LTBP2: variants seen among roughly 807,000 people sequenced by gnomAD.
The protein encoded by LTBP2 is latent-transforming growth factor beta-binding protein 2.
Under a neutral mutation model 210.6 loss-of-function variants are expected in LTBP2, and 103 were observed. The observed-to-expected ratio is 0.49, with a 90% CI of 0.42 to 0.58. The LOEUF is 0.58. LTBP2 is among the 20% of genes least tolerant of loss of function. The pLI is 0.00. For synonymous variants in LTBP2, 1,007 were observed against 1,015.0 expected (o/e 0.99, Z 0.15); for missense variants, 2,313 against 2,494.5 (o/e 0.93, Z 1.55).
intron 2 of LTBP2, among the ~76,000 whole-genome samples, chr14:74,588,511 G>A (rs1595295129): frequency 6.6e-6 from 1 of 152,120 alleles, no homozygotes; most frequent in Non-Finnish European, 1.5e-5. Flanking sequence ...GTGAGCCGCC[G>A]CACGAGGCCG....
At chr14:74,585,360 G>C (rs771822667) in intron 3 of LTBP2, among the ~76,000 whole-genome samples, 2 of 152,222 alleles carry the variant, frequency 1.3e-5, no homozygotes, top group Non-Finnish European at 2.9e-5. Flanking sequence ...GGGAGAACAA[G>C]TATAAAGAGC....
chr14:74,503,812 G>A (rs946350124), intron 31 of LTBP2, 114 bp downstream of exon 31: 24 of 1,480,876 alleles, frequency 1.6e-5, no homozygotes, highest in Middle Eastern at 2.0e-4. Flanking sequence ...TGCAGTGGGC[G>A]GCCTCCCTAG....
chr14:74,531,927 G>A (rs1287588665), intron 10 of LTBP2, among the ~76,000 whole-genome samples: 2 of 152,316 alleles, frequency 1.3e-5, no homozygotes, highest in South Asian at 2.1e-4. Context: ...TGCCCACTAT[G>A]TGTTCACAGA....
intron 12 of LTBP2, among the ~76,000 whole-genome samples, chr14:74,528,193 G>T (rs577327587): frequency 3.3e-5 from 5 of 152,358 alleles, no homozygotes; most frequent in African/African-American, 1.2e-4. Flanking sequence ...CAGAGGGCAG[G>T]AGATGGAGAG....
At chr14:74,556,985 G>A (rs944382274) in intron 3 of LTBP2, among the ~76,000 whole-genome samples, 26 of 151,040 alleles carry the variant, frequency 1.7e-4, no homozygotes, top group African/African-American at 6.0e-4. Context: ...GATGAGGCTG[G>A]GCGTGGTGGC....
At chr14:74,578,957 G>T (rs2088099237) in intron 3 of LTBP2, among the ~76,000 whole-genome samples, 1 of 152,356 alleles carries the variant, frequency 6.6e-6, no homozygotes, top group South Asian at 2.1e-4. Flanking sequence ...CCGGGTTCAA[G>T]CAATTCCCCT....
intron 15 of LTBP2, among the ~76,000 whole-genome samples, chr14:74,523,806 C>A (rs1411026347): frequency 6.6e-6 from 1 of 152,188 alleles, no homozygotes; most frequent in Non-Finnish European, 1.5e-5. Context: ...GGTCCCTGCC[C>A]CGCCCCCATA....
chr14:74,527,216 G>A, intron 13 of LTBP2, 131 bp downstream of exon 13: 1 of 1,219,468 alleles, frequency 8.2e-7, no homozygotes, highest in Non-Finnish European at 1.2e-6. Flanking sequence ...ATCTCTTCAA[G>A]TAAAATCTAA....
At chr14:74,559,362 GA>G (rs2087764876) in intron 3 of LTBP2, among the ~76,000 whole-genome samples, 1 of 152,156 alleles carries the variant, frequency 6.6e-6, no homozygotes, top group African/African-American at 2.4e-5. Flanking sequence ...TTAAATGACA[GA>G]AATAAAAAAG....
intron 31 of LTBP2, 136 bp from the exon 32 acceptor site, chr14:74,503,742 A>G: frequency 7.7e-7 from 1 of 1,307,106 alleles, no homozygotes; most frequent in South Asian, 1.3e-5. Flanking sequence ...CCCAGCCTGG[A>G]AGGCCCTCCT....
chr14:74,503,632 A>C (rs536546299), intron 31 of LTBP2, 26 bp from the exon 32 acceptor site: 26 of 1,612,066 alleles, frequency 1.6e-5, no homozygotes, highest in Non-Finnish European at 2.2e-5. Flanking sequence ...AGGGTGGGGC[A>C]TTGCCAAGGT....
intron 3 of LTBP2, among the ~76,000 whole-genome samples, chr14:74,567,950 C>T (rs977971122): frequency 6.6e-6 from 1 of 152,096 alleles, no homozygotes; most frequent in Non-Finnish European, 1.5e-5. Context: ...ATGAATTCGT[C>T]GTTCAACCAC....
rs187225126 is a variant in LTBP2, at chr14:74,564,549, C to T, written c.831-8856G>A. Among the ~76,000 whole-genome samples, 21 of 148,124 alleles carry T rather than the reference C, an allele frequency of 1.4e-4. No homozygotes were observed. In the East Asian group the frequency reaches 4.2e-3, roughly 30 times the overall value. On this transcript the variant is annotated intron_variant, in intron 3 of 35. Transcript: ENST00000261978. ...AGCTGGGACTACAGGTGCTCGCCACCATGCCAGGCTAATTTTTTTTTGTTT... is the reference window on the plus strand; with the variant it reads ...AGCTGGGACTACAGGTGCTCGCCACTATGCCAGGCTAATTTTTTTTTGTTT...
chr14:74,598,724 A>G (rs924297413), intron 2 of LTBP2, among the ~76,000 whole-genome samples: 1 of 152,196 alleles, frequency 6.6e-6, no homozygotes, highest in African/African-American at 2.4e-5. Flanking sequence ...CAGCCTGCCC[A>G]TAGCCCCTCA....
intron 1 of LTBP2, among the ~76,000 whole-genome samples, chr14:74,610,462 C>G (rs1324140066): frequency 6.6e-6 from 1 of 152,196 alleles, no homozygotes; most frequent in Non-Finnish European, 1.5e-5. Flanking sequence ...TCATGCTGTT[C>G]CCCAGGACTA....
At chr14:74,547,574 G>T (rs764788471) in intron 8 of LTBP2, among the ~76,000 whole-genome samples, 3 of 152,176 alleles carry the variant, frequency 2.0e-5, no homozygotes, top group Admixed American at 6.5e-5. Flanking sequence ...AGGCAACAGC[G>T]TGACAGCTTC....
intron 34 of LTBP2, chr14:74,501,821 G>A: frequency 1.7e-6 from 1 of 578,850 alleles, no homozygotes; most frequent in Non-Finnish European, 3.1e-6. Context: ...CTTCAAATGA[G>A]GGCTCCAGGG....
At position 74,522,058 on chromosome 14, in the gene LTBP2, G is replaced by A. The variant is rs1860557660; in HGVS notation, c.2660-19C>T. 3 of 1,608,790 alleles carry A rather than the reference G, an allele frequency of 1.9e-6. No individual in the cohort carries two copies. The African/African-American group carries it at 4.0e-5, about 21-fold the overall frequency. ...TTGTCATCTGACCAGAAGAAGGCAG[G>A]GAGGGAGGTCAGGGGGGCCAGCGGT... On this transcript the variant is annotated intron_variant, in intron 16 of 35. Coordinates refer to ENST00000261978, the MANE Select transcript of LTBP2 (RefSeq NM_000428.3).
chr14:74,568,971 C>CT, intron 3 of LTBP2, among the ~76,000 whole-genome samples: 1 of 152,252 alleles, frequency 6.6e-6, no homozygotes. Flanking sequence ...GGCCCCCTAC[C>CT]TACCCCTATT....
Sources: allele counts gnomAD v4.1 joint callset (sites outside exome capture counted in the v4.1 genomes callset), GRCh38; gene constraint gnomAD v4.1.1; transcripts MANE v1.5; gene names NCBI Gene and HGNC (gene_info 2026-07-23, HGNC 2026-07-21).